PLEKHA5: variants seen among roughly 807,000 people sequenced by gnomAD.
PLEKHA5 encodes the protein pleckstrin homology domain containing A5.
PLEKHA5 carries 55 observed loss-of-function variants against 181.9 expected under a neutral mutation model. The observed-to-expected ratio is 0.30, with a 90% CI of 0.24 to 0.38. The LOEUF (loss-of-function observed/expected upper bound fraction) is 0.38, where lower values mean the gene tolerates loss of function less well. PLEKHA5 is among the 10% of genes least tolerant of loss of function. The probability of loss-of-function intolerance (pLI) is 1.00; values close to 1 mark genes in which losing one functional copy is unlikely to be tolerated. For missense variants in PLEKHA5, 1,432 were observed against 1,549.5 expected (o/e 0.92, Z 1.27); for synonymous variants, 535 against 529.4 (o/e 1.01, Z -0.15).
intron 15 of PLEKHA5, among the ~76,000 whole-genome samples, chr12:19,303,002 A>G (rs2152926066): frequency 7.5e-6 from 1 of 132,704 alleles, no homozygotes; most frequent in East Asian, 2.3e-4. Flanking sequence ...GCTCACTGCA[A>G]CCTCCATTTC....
chr12:19,168,074 C>A (rs1591897608), intron 3 of PLEKHA5, among the ~76,000 whole-genome samples: 1 of 152,190 alleles, frequency 6.6e-6, no homozygotes, highest in South Asian at 2.1e-4. Flanking sequence ...TGTTCCTATC[C>A]CCATCCTGTC....
chr12:19,215,250 C>G (rs2152244697), intron 3 of PLEKHA5, among the ~76,000 whole-genome samples: 1 of 152,114 alleles, frequency 6.6e-6, no homozygotes, highest in South Asian at 2.1e-4. Flanking sequence ...TTGGAACTTC[C>G]TTGTCAGTTT....
rs777564637 is a variant in PLEKHA5, at chr12:19,135,615, T to C, written c.227+3165T>C. ...TAGTGCCAGGGTTGTGTGTACTTTC[T>C]TTTGCTGCTTTTTGTGCTTACGTTT... On this transcript the variant is annotated intron_variant, in intron 3 of 31. Transcript: ENST00000429027. Among the ~76,000 whole-genome samples, 50 of 152,208 alleles carry C rather than the reference T, an allele frequency of 3.3e-4. 1 individual carries two copies. Among genetic ancestry groups the C allele is most frequent in the Non-Finnish European group, 6.6e-4 (45 of 68,042 alleles).
rs751404769 is a variant in PLEKHA5, at chr12:19,274,999, G to A, written c.1313+16G>A. 82 of 1,551,392 alleles carry A rather than the reference G, an allele frequency of 5.3e-5. No homozygotes were observed. The highest frequency in any genetic ancestry group is 7.1e-5 in the Non-Finnish European group (81 of 1,136,614). ...AAACCAGGGGGTAAGTGTCTGTCTT[G>A]TCATTATGAACCCAGGTTTCTTTGA... On this transcript the variant is annotated intron_variant, in intron 11 of 31. Transcript: ENST00000429027.
chr12:19,280,735 C>CT (rs538185835), intron 11 of PLEKHA5, among the ~76,000 whole-genome samples: 7,332 of 142,998 alleles, frequency 0.051, 212 homozygotes, highest in African/African-American at 0.072. Context: ...TTTTCTTTTT[C>CT]TTTTTTTTTT....
At chr12:19,314,921 T>A in intron 16 of PLEKHA5, 27 bp downstream of exon 16, 3 of 1,187,538 alleles carry the variant, frequency 2.5e-6, no homozygotes, top group Non-Finnish European at 3.7e-6. Context: ...TGAATGATAC[T>A]GCTTTATCAT....
At chr12:19,151,850 A>AT (rs1414192315) in intron 3 of PLEKHA5, 1 of 139,578 alleles carries the variant, frequency 7.2e-6, no homozygotes, top group Non-Finnish European at 1.5e-5. Context: ...AGCATTTTCT[A>AT]TTTTTTGGTC....
At chr12:19,288,465 A>G (rs2077708758) in intron 13 of PLEKHA5, among the ~76,000 whole-genome samples, 1 of 152,220 alleles carries the variant, frequency 6.6e-6, no homozygotes, top group African/African-American at 2.4e-5. Flanking sequence ...GTATTCTTTT[A>G]TCAGGGGCAC....
At chr12:19,195,746 G>C (rs906129222) in intron 3 of PLEKHA5, among the ~76,000 whole-genome samples, 5 of 149,838 alleles carry the variant, frequency 3.3e-5, no homozygotes, top group African/African-American at 4.9e-5. Flanking sequence ...TCGGTTACCT[G>C]CCTTTTAGGT....
intron 3 of PLEKHA5, among the ~76,000 whole-genome samples, chr12:19,178,438 T>G (rs1163520264): frequency 2.6e-5 from 4 of 152,208 alleles, no homozygotes; most frequent in Non-Finnish European, 5.9e-5. Context: ...GAGAGACAGG[T>G]GCAGCATTGC....
At chr12:19,292,438 G>GGA (rs1378845787) in intron 15 of PLEKHA5, among the ~76,000 whole-genome samples, 2 of 152,042 alleles carry the variant, frequency 1.3e-5, no homozygotes, top group Non-Finnish European at 2.9e-5. Context: ...AGAGAGAGAG[G>GGA]GAGGGAGTAA....
chr12:19,364,768 C>CA (rs2095371641), intron 29 of PLEKHA5, among the ~76,000 whole-genome samples: 1 of 151,764 alleles, frequency 6.6e-6, no homozygotes, highest in African/African-American at 2.4e-5. Context: ...CCGATTCAAG[C>CA]AGTTCTCCTG....
chr12:19,159,372 A>G (rs2042459637), intron 3 of PLEKHA5, among the ~76,000 whole-genome samples: 1 of 152,126 alleles, frequency 6.6e-6, no homozygotes, highest in Non-Finnish European at 1.5e-5. Context: ...ACAATGATGT[A>G]TTCATAGTCT....
rs1275595398 is a variant in PLEKHA5 at position 19,358,443 on chromosome 12, T to C, written c.3348+6T>C. The stretch of plus-strand genomic sequence containing the variant: ...ATCCATTTAGGACTACTCAGGTATA[T>C]GAATTGCATTTGATTATTATTTTGT... On this transcript the variant is annotated splice_donor_region_variant and intron_variant, in intron 27 of 31. Coordinates refer to ENST00000429027, the MANE Select transcript of PLEKHA5 (RefSeq NM_001256470.2). 2.6e-6 allele frequency: 4 copies of C among 1,551,346 alleles called. No individual in the cohort carries two copies. In the South Asian group the frequency reaches 3.4e-5, roughly 13 times the overall value.
intron 11 of PLEKHA5, among the ~76,000 whole-genome samples, chr12:19,280,836 G>C (rs553876959): frequency 6.7e-6 from 1 of 150,050 alleles, no homozygotes; most frequent in Admixed American, 6.7e-5. Flanking sequence ...TCAGCCTCCC[G>C]AGTAGCTGGA....
At chr12:19,312,305 G>A (rs562345999) in intron 15 of PLEKHA5, among the ~76,000 whole-genome samples, 1 of 152,268 alleles carries the variant, frequency 6.6e-6, no homozygotes, top group South Asian at 2.1e-4. Flanking sequence ...CCAAACAAGA[G>A]TGTCATCCTA....
chr12:19,308,628 A>G (rs2085048174), intron 15 of PLEKHA5, among the ~76,000 whole-genome samples: 1 of 152,166 alleles, frequency 6.6e-6, no homozygotes, highest in South Asian at 2.1e-4. Flanking sequence ...AAATGCACTG[A>G]CTGCATGTTA....
At chr12:19,341,749 CT>C (rs1357880392) in intron 21 of PLEKHA5, among the ~76,000 whole-genome samples, 4 of 150,794 alleles carry the variant, frequency 2.7e-5, no homozygotes, top group African/African-American at 7.3e-5. Context: ...TTTTTTCCCC[CT>C]GTGACAGAGT....
chr12:19,155,897 C>T lies in PLEKHA5; in HGVS notation c.227+23447C>T, dbSNP rs570581308. On this transcript the variant is annotated intron_variant, in intron 3 of 31. Coordinates refer to ENST00000429027, the MANE Select transcript of PLEKHA5 (RefSeq NM_001256470.2). ...TGAAAATAACTCATCTGTGGTTGAA[C>T]ATCTTTTTCTTCAGAGACATTCCTG... is the stretch of plus-strand genomic sequence containing the variant. Among the ~76,000 whole-genome samples, 4 of 152,156 alleles carry T rather than the reference C, an allele frequency of 2.6e-5. No homozygotes were observed. In the South Asian group the frequency reaches 8.3e-4, roughly 31 times the overall value.
Sources: allele counts gnomAD v4.1 joint callset (sites outside exome capture counted in the v4.1 genomes callset), GRCh38; gene constraint gnomAD v4.1.1; transcripts MANE v1.5; gene names NCBI Gene and HGNC (gene_info 2026-07-23, HGNC 2026-07-21).